KIF5C: variants seen among roughly 807,000 people sequenced by gnomAD.
KIF5C encodes the protein kinesin family member 5C.
KIF5C carries 18 observed loss-of-function variants against 125.2 expected under a neutral mutation model. That is an observed-to-expected ratio of 0.14 (90% confidence interval 0.10 to 0.21). The LOEUF (loss-of-function observed/expected upper bound fraction) is 0.21, where lower values mean the gene tolerates loss of function less well. Ranked by LOEUF, KIF5C falls within the 10% of genes least tolerant of loss-of-function variation. KIF5C has a pLI of 1.00. For synonymous variants in KIF5C, 405 were observed against 434.0 expected (o/e 0.93, Z 0.83); for missense variants, 780 against 1,183.8 (o/e 0.66, Z 5.01).
chr2:148,917,160 C>G (rs951516503), intron 1 of KIF5C, among the ~76,000 whole-genome samples: 2 of 152,076 alleles, frequency 1.3e-5, no homozygotes, highest in Non-Finnish European at 2.9e-5. Flanking sequence ...TTTCCCCAAT[C>G]TTGCCTTCTT....
In KIF5C at chr2:149,016,859, G is replaced by A. The variant is rs529899066; in HGVS notation, c.*7+5176G>A. On this transcript the variant is annotated intron_variant, in intron 25 of 25. Transcript: ENST00000435030. ...GGCACAGCAGAGAGGGGAGCTGAGG[G>A]GCGAGTTGGACCAGGCCCAGGCACT... is the stretch of plus-strand genomic sequence containing the variant. Among the ~76,000 whole-genome samples the A allele has an allele frequency of 4.7e-4, 72 of 152,216 alleles. 2 individuals are homozygous for A. The highest frequency in any genetic ancestry group is 4.7e-3 in the Admixed American group (72 of 15,300).
chr2:148,959,436 T>G (rs979823603), intron 10 of KIF5C, among the ~76,000 whole-genome samples: 17 of 152,302 alleles, frequency 1.1e-4, no homozygotes, highest in East Asian at 1.9e-4. Flanking sequence ...AGGGTTTTTT[T>G]GGGGGAAGGT....
rs140607607 is a variant in KIF5C at position 148,937,364 on chromosome 2, T to C, written c.372T>C (p.Asp124=). ...TCTTTGACCATATCTACTCCATGGATGAGAACCTGGAGTTTCACATAAAGG... is the reference window on the plus strand; with the variant it reads ...TCTTTGACCATATCTACTCCATGGACGAGAACCTGGAGTTTCACATAAAGG... ...HDIFDHIYSM[D]ENLEFHIKVS... is the part of the protein sequence containing the mutation. Residue 124 remains aspartate, a synonymous_variant, in exon 4 of 26, where the codon GAT becomes GAC. Transcript: ENST00000435030. 3.1e-6 allele frequency: 5 copies of C among 1,597,570 alleles called. No individual in the cohort carries two copies. The highest frequency in any genetic ancestry group is 4.3e-6 in the Non-Finnish European group (5 of 1,171,192).
rs1044853356 is a variant in KIF5C at position 148,924,793 on chromosome 2, A to T, written c.217+2566A>T. Among the ~76,000 whole-genome samples, 1 of 152,250 alleles carries T rather than the reference A, an allele frequency of 6.6e-6. No individual in the cohort carries two copies. Among genetic ancestry groups the T allele is most frequent in the East Asian group, 1.9e-4 (1 of 5,202 alleles). On this transcript the variant is annotated intron_variant, in intron 2 of 25. Coordinates refer to ENST00000435030, the MANE Select transcript of KIF5C (RefSeq NM_004522.3). This position sits in a 1 kb window ranked among gnomAD's most constrained non-coding sequence, Gnocchi z 4.0. ...AATTAACTAGATACAGATGATCCAG[A>T]TGCTAGAGAAGGGGAAATTTCTTGT...
At chr2:149,002,994 C>T (rs1304844419) in intron 21 of KIF5C, among the ~76,000 whole-genome samples, 1 of 152,166 alleles carries the variant, frequency 6.6e-6, no homozygotes, top group Non-Finnish European at 1.5e-5. Flanking sequence ...GCGCACCCTC[C>T]CAGGCTGCTC....
At chr2:148,993,218 G>T (rs1681573157) in intron 16 of KIF5C, among the ~76,000 whole-genome samples, 1 of 152,166 alleles carries the variant, frequency 6.6e-6, no homozygotes, top group Non-Finnish European at 1.5e-5. Context: ...GTGGAGTAGG[G>T]TGTAGCCAGA....
chr2:148,956,463 C>T (rs1264101903), intron 10 of KIF5C, among the ~76,000 whole-genome samples: 1 of 152,166 alleles, frequency 6.6e-6, no homozygotes, highest in Non-Finnish European at 1.5e-5. Flanking sequence ...GTCTGCCTTT[C>T]CTAAGGGTGG....
intron 25 of KIF5C, among the ~76,000 whole-genome samples, chr2:149,020,693 G>A (rs952626958): frequency 6.6e-6 from 1 of 152,148 alleles, no homozygotes; most frequent in Non-Finnish European, 1.5e-5. Flanking sequence ...CCGACCAAGG[G>A]GATCTTATCT....
intron 20 of KIF5C, 41 bp downstream of exon 20, chr2:149,000,565 C>T: frequency 6.5e-7 from 1 of 1,547,670 alleles, no homozygotes; most frequent in Non-Finnish European, 8.8e-7. Context: ...TCTCTCATCC[C>T]CATGATATTC....
intron 1 of KIF5C, among the ~76,000 whole-genome samples, chr2:148,894,399 A>G (rs1037538735): frequency 6.6e-6 from 1 of 152,242 alleles, no homozygotes; most frequent in Admixed American, 6.5e-5. Flanking sequence ...AAAAGCTGGC[A>G]TCATAAAGAA....
intron 25 of KIF5C, among the ~76,000 whole-genome samples, chr2:149,017,897 T>C (rs1650305314): frequency 6.6e-6 from 1 of 152,176 alleles, no homozygotes; most frequent in Non-Finnish European, 1.5e-5. Context: ...AAACTTCACA[T>C]AATTTAATGA....
At chr2:148,960,457 G>A (rs1428500635) in intron 10 of KIF5C, among the ~76,000 whole-genome samples, 1 of 152,196 alleles carries the variant, frequency 6.6e-6, no homozygotes, top group Non-Finnish European at 1.5e-5. Context: ...AGGATGTCAG[G>A]AGGAGAGGTG....
intron 25 of KIF5C, among the ~76,000 whole-genome samples, chr2:149,015,069 A>G (rs1259831269): frequency 3.9e-5 from 6 of 152,050 alleles, no homozygotes; most frequent in Non-Finnish European, 8.8e-5. Flanking sequence ...CACACCTGTA[A>G]CCCTAGCTAC....
chr2:148,911,361 G>C (rs757455310), intron 1 of KIF5C, among the ~76,000 whole-genome samples: 1 of 152,208 alleles, frequency 6.6e-6, no homozygotes, highest in Non-Finnish European at 1.5e-5. Context: ...CAGCATCCAG[G>C]GGGGCTGCTG....
intron 21 of KIF5C, among the ~76,000 whole-genome samples, chr2:149,002,952 C>G (rs981217600): frequency 1.3e-5 from 2 of 152,220 alleles, no homozygotes; most frequent in Non-Finnish European, 2.9e-5. Context: ...CCTGCTCGTC[C>G]GTTCTCTCTC....
chr2:148,933,918 TAC>T (rs1213781835), intron 3 of KIF5C, among the ~76,000 whole-genome samples: 3 of 141,248 alleles, frequency 2.1e-5, no homozygotes, highest in East Asian at 2.2e-4. Context: ...AAATACATCA[TAC>T]ACACACACAA....
intron 7 of KIF5C, among the ~76,000 whole-genome samples, chr2:148,944,640 C>A (rs1226981152): frequency 6.6e-6 from 1 of 152,112 alleles, no homozygotes; most frequent in East Asian, 1.9e-4. Context: ...GATTTCAATT[C>A]TTTTGAGTAT....
At chr2:148,975,863 G>A (rs939896430) in intron 12 of KIF5C, among the ~76,000 whole-genome samples, 3 of 152,192 alleles carry the variant, frequency 2.0e-5, no homozygotes, top group Admixed American at 2.0e-4. Flanking sequence ...TAATTCAAAA[G>A]GCTGTGGTGA....
chr2:148,920,984 G>A (rs1388954085), intron 1 of KIF5C, among the ~76,000 whole-genome samples: 1 of 152,158 alleles, frequency 6.6e-6, no homozygotes, highest in African/African-American at 2.4e-5. Context: ...GAGTGAGTCC[G>A]GCTGTGGAAG....
Sources: gnomAD v4.1 joint callset for allele counts (sites outside exome capture counted in the v4.1 genomes callset) on GRCh38, gnomAD v4.1.1 for gene constraint, Gnocchi (gnomAD v3.1) non-coding constraint, MANE v1.5 for transcripts, NCBI Gene and HGNC (gene_info 2026-07-23, HGNC 2026-07-21) for gene names.